The following DTD1 variants were observed in gnomAD, a reference collection of about 807,000 sequenced individuals.
DTD1 encodes D-tyrosyl-tRNA deacylase 1 homolog.
A neutral mutation model predicts 25.6 loss-of-function variants in DTD1; 13 were observed. The ratio of observed to expected loss-of-function variants is 0.51; its 90% CI spans 0.33 to 0.81. The LOEUF (loss-of-function observed/expected upper bound fraction) is 0.81, where lower values mean the gene tolerates loss of function less well. Ranked by LOEUF, DTD1 falls within the 30% of genes least tolerant of loss-of-function variation. The pLI, the probability that DTD1 is intolerant of heterozygous loss-of-function variation, is 0.02. For missense variants in DTD1, 193 were observed against 266.4 expected (o/e 0.72, Z 1.92); for synonymous variants, 110 against 103.6 (o/e 1.06, Z -0.37).
chr20:18,697,030 C>T (rs910787761), intron 4 of DTD1, among the ~76,000 whole-genome samples: 4 of 151,370 alleles, frequency 2.6e-5, no homozygotes, highest in African/African-American at 7.3e-5. Context: ...CAGGAGATCA[C>T]GACCATCCTG....
intron 4 of DTD1, among the ~76,000 whole-genome samples, chr20:18,634,652 G>A (rs1429123304): frequency 2.6e-5 from 4 of 152,262 alleles, no homozygotes; most frequent in Admixed American, 6.5e-5. Flanking sequence ...TAATCCCTGA[G>A]CCTGGACCTT....
chr20:18,648,983 A>C (rs775969794), intron 4 of DTD1, among the ~76,000 whole-genome samples: 51 of 133,162 alleles, frequency 3.8e-4, no homozygotes, highest in Admixed American at 6.3e-4. Context: ...GCAACAGAGA[A>C]AGACTCCATC....
intron 4 of DTD1, chr20:18,642,875 G>T: frequency 6.3e-6 from 1 of 158,268 alleles, no homozygotes; most frequent in South Asian, 1.7e-4. Context: ...ACCAAATTTG[G>T]ACTCTTGACT....
At chr20:18,696,595 C>T (rs190223095) in intron 4 of DTD1, among the ~76,000 whole-genome samples, 13 of 152,204 alleles carry the variant, frequency 8.5e-5, no homozygotes, top group Admixed American at 7.9e-4. Flanking sequence ...TCTCTTGTTG[C>T]CCAGGCTGGA....
intron 4 of DTD1, among the ~76,000 whole-genome samples, chr20:18,707,610 G>C (rs150694916): frequency 3.0e-3 from 464 of 152,308 alleles, no homozygotes; most frequent in Middle Eastern, 6.8e-3. Flanking sequence ...ACTGGTGGCT[G>C]TCTGTTCACA....
chr20:18,705,698 C>T (rs996108471), intron 4 of DTD1, among the ~76,000 whole-genome samples: 2 of 151,884 alleles, frequency 1.3e-5, no homozygotes, highest in Admixed American at 1.3e-4. Flanking sequence ...GGTGGTCAGG[C>T]TGCATTAGGA....
chr20:18,623,940 C>A (rs2060746962), intron 3 of DTD1, among the ~76,000 whole-genome samples: 1 of 141,582 alleles, frequency 7.1e-6, no homozygotes, highest in Middle Eastern at 3.8e-3. Flanking sequence ...CAATAGAGGG[C>A]ATGCTACTCC....
chr20:18,729,001 T>C (rs1193039869), intron 4 of DTD1, among the ~76,000 whole-genome samples: 1 of 152,222 alleles, frequency 6.6e-6, no homozygotes, highest in Non-Finnish European at 1.5e-5. Context: ...CTACGGCCGA[T>C]GCTTGCTTGC....
intron 4 of DTD1, among the ~76,000 whole-genome samples, chr20:18,691,145 G>T (rs766955109): frequency 2.0e-5 from 3 of 152,162 alleles, no homozygotes; most frequent in Non-Finnish European, 4.4e-5. Context: ...AAAAGAAAAT[G>T]CTTATACCTT....
chr20:18,708,251 ATTATATATATATT>A (rs2061138644), intron 4 of DTD1, among the ~76,000 whole-genome samples: 1 of 27,350 alleles, frequency 3.7e-5, no homozygotes, highest in East Asian at 1.5e-3. Flanking sequence ...TATAATATAT[ATTATATATATATT>A]TTATATATAT....
intron 4 of DTD1, among the ~76,000 whole-genome samples, chr20:18,650,090 G>A (rs143445051): frequency 1.2e-3 from 176 of 152,266 alleles, no homozygotes; most frequent in Middle Eastern, 3.4e-3. Flanking sequence ...CTAGCCCACT[G>A]TGGTGGTGCA....
intron 3 of DTD1, among the ~76,000 whole-genome samples, chr20:18,601,845 G>A (rs981935675): frequency 2.6e-5 from 4 of 151,756 alleles, no homozygotes; most frequent in Admixed American, 2.0e-4. Flanking sequence ...AGAAAAACTG[G>A]AAACTCTAAA....
At chr20:18,635,295 C>T (rs941295093) in intron 4 of DTD1, among the ~76,000 whole-genome samples, 2 of 152,258 alleles carry the variant, frequency 1.3e-5, no homozygotes, top group Admixed American at 1.3e-4. Context: ...AGTGGGAACT[C>T]AGCAAAGCGT....
chr20:18,676,527 A>G (rs2060975353), intron 4 of DTD1, among the ~76,000 whole-genome samples: 1 of 152,122 alleles, frequency 6.6e-6, no homozygotes, highest in African/African-American at 2.4e-5. Context: ...CCCTGTGAGA[A>G]GCTGTTTTCT....
chr20:18,640,964 A>C (rs778854012), intron 4 of DTD1, among the ~76,000 whole-genome samples: 20 of 152,140 alleles, frequency 1.3e-4, no homozygotes, highest in Non-Finnish European at 2.1e-4. Flanking sequence ...TACAAAACTG[A>C]AACTTTACCC....
intron 2 of DTD1, among the ~76,000 whole-genome samples, chr20:18,595,559 C>T (rs1428420023): frequency 2.6e-5 from 4 of 152,130 alleles, no homozygotes; most frequent in African/African-American, 7.2e-5. Flanking sequence ...CATGAGCCAC[C>T]GTTCTCAGCC....
intron 5 of DTD1, among the ~76,000 whole-genome samples, chr20:18,753,745 A>AT (rs1207177913): frequency 2.6e-5 from 4 of 152,034 alleles, no homozygotes; most frequent in East Asian, 1.9e-4. Flanking sequence ...GGTAACATCA[A>AT]TTTTTTCTCC....
chr20:18,744,346 G>A (rs3827973), intron 5 of DTD1, 75 bp downstream of exon 5: 482,471 of 1,436,020 alleles, frequency 0.34, 83,758 homozygotes, highest in South Asian at 0.4. Flanking sequence ...AATAGCTGCT[G>A]AGGCTGAATT....
chr20:18,699,395 G>A (rs1021538149), intron 4 of DTD1, among the ~76,000 whole-genome samples: 19 of 152,204 alleles, frequency 1.2e-4, no homozygotes, highest in Admixed American at 9.2e-4. Context: ...GAGATGTGGA[G>A]AAGGACCCTG....
Sources: allele counts gnomAD v4.1 joint callset (sites outside exome capture counted in the v4.1 genomes callset), GRCh38; gene constraint gnomAD v4.1.1; transcripts MANE v1.5; gene names NCBI Gene and HGNC (gene_info 2026-07-23, HGNC 2026-07-21).